GRIK4: variants seen among roughly 807,000 people sequenced by gnomAD.
The protein encoded by GRIK4 is glutamate receptor ionotropic, kainate 4.
A neutral mutation model predicts 104.9 loss-of-function variants in GRIK4; 40 were observed. That is an observed-to-expected ratio of 0.38 (90% CI 0.30 to 0.50). The LOEUF (loss-of-function observed/expected upper bound fraction) is 0.50. Among genes scored for constraint, GRIK4 ranks in the 20% least tolerant of loss-of-function variants. The pLI, the probability that GRIK4 is intolerant of heterozygous loss-of-function variation, is 0.93. For synonymous variants in GRIK4, 485 were observed against 524.9 expected (o/e 0.92, Z 1.04); for missense variants, 1,047 against 1,308.1 (o/e 0.80, Z 3.08).
chr11:120,615,151 G>A (rs1253211684), intron 1 of GRIK4, among the ~76,000 whole-genome samples: 1 of 152,196 alleles, frequency 6.6e-6, no homozygotes, highest in Non-Finnish European at 1.5e-5. Context: ...TGAAGCAGGT[G>A]TTGTTATTCT....
chr11:120,587,022 G>A (rs55750415), intron 1 of GRIK4, among the ~76,000 whole-genome samples: 1 of 152,232 alleles, frequency 6.6e-6, no homozygotes, highest in Non-Finnish European at 1.5e-5. Context: ...ATAACAGTAG[G>A]AGTTAGAGAG....
intron 1 of GRIK4, among the ~76,000 whole-genome samples, chr11:120,629,173 G>A (rs1949301049): frequency 6.6e-6 from 1 of 152,212 alleles, no homozygotes; most frequent in African/African-American, 2.4e-5. Context: ...AGGTGGGGAA[G>A]GTGGAGGGAA....
chr11:120,881,232 T>A (rs1954960456), intron 11 of GRIK4, among the ~76,000 whole-genome samples: 1 of 152,230 alleles, frequency 6.6e-6, no homozygotes, highest in South Asian at 2.1e-4. Flanking sequence ...CCACATTAGC[T>A]TGCTTGCTGG....
chr11:120,768,601 G>A (rs1951882299), intron 3 of GRIK4, among the ~76,000 whole-genome samples: 1 of 152,142 alleles, frequency 6.6e-6, no homozygotes, highest in South Asian at 2.1e-4. Context: ...AGTTACATGG[G>A]CATTCCTGCC....
intron 7 of GRIK4, among the ~76,000 whole-genome samples, chr11:120,835,542 CA>C (rs1953553514): frequency 6.6e-6 from 1 of 151,516 alleles, no homozygotes; most frequent in Non-Finnish European, 1.5e-5. Flanking sequence ...AAAAAACAAA[CA>C]AACAAAAAAA....
At chr11:120,519,571 A>G (rs530873539) in intron 1 of GRIK4, among the ~76,000 whole-genome samples, 2 of 152,292 alleles carry the variant, frequency 1.3e-5, no homozygotes, top group East Asian at 1.9e-4. Context: ...CCAGCTACCC[A>G]GTTTATGGTA....
At chr11:120,751,137 C>T (rs1232424102) in intron 3 of GRIK4, among the ~76,000 whole-genome samples, 1 of 151,904 alleles carries the variant, frequency 6.6e-6, no homozygotes, top group African/African-American at 2.4e-5. Flanking sequence ...GGCATGGCCC[C>T]CCAGGCTTGC....
At chr11:120,537,117 A>G (rs1411683801) in intron 1 of GRIK4, among the ~76,000 whole-genome samples, 3 of 152,232 alleles carry the variant, frequency 2.0e-5, no homozygotes, top group Admixed American at 2.0e-4. Flanking sequence ...AGGTGTCCTC[A>G]AAAGACAGAG....
intron 1 of GRIK4, among the ~76,000 whole-genome samples, chr11:120,599,569 C>T (rs1808746624): frequency 6.6e-6 from 1 of 152,228 alleles, no homozygotes; most frequent in African/African-American, 2.4e-5. Flanking sequence ...AGATGTCTTG[C>T]CAGCTCCATC....
intron 1 of GRIK4, among the ~76,000 whole-genome samples, chr11:120,634,187 G>A (rs1387489815): frequency 1.3e-5 from 2 of 152,160 alleles, no homozygotes; most frequent in Admixed American, 6.5e-5. Flanking sequence ...GTAAGCCGCC[G>A]AATAAATGGC....
chr11:120,535,586 G>A (rs1947966124), intron 1 of GRIK4, among the ~76,000 whole-genome samples: 1 of 152,054 alleles, frequency 6.6e-6, no homozygotes, highest in African/African-American at 2.4e-5. Flanking sequence ...TGTAGGGCAA[G>A]GTCACTAAAG....
intron 3 of GRIK4, among the ~76,000 whole-genome samples, chr11:120,694,777 G>A (rs1013803588): frequency 3.9e-5 from 6 of 152,112 alleles, no homozygotes; most frequent in Admixed American, 2.0e-4. Context: ...GCAAGTGCCC[G>A]GGTTCATTGT....
At chr11:120,926,601 A>G (rs1943350902) in intron 13 of GRIK4, among the ~76,000 whole-genome samples, 1 of 152,256 alleles carries the variant, frequency 6.6e-6, no homozygotes, top group East Asian at 1.9e-4. Context: ...ACCCTTGGTC[A>G]AAACATTCTA....
At chr11:120,904,766 C>A (rs1942829018) in intron 12 of GRIK4, among the ~76,000 whole-genome samples, 2 of 152,280 alleles carry the variant, frequency 1.3e-5, no homozygotes, top group South Asian at 4.2e-4. Flanking sequence ...TTCCATCTCT[C>A]AGTGTTCTGC....
At chr11:120,597,656 C>G (rs1353045858) in intron 1 of GRIK4, among the ~76,000 whole-genome samples, 3 of 152,198 alleles carry the variant, frequency 2.0e-5, no homozygotes, top group Non-Finnish European at 4.4e-5. Context: ...CGTGGGGGTC[C>G]TGAGGTGGTG....
At chr11:120,618,887 C>A (rs1194480213) in intron 1 of GRIK4, among the ~76,000 whole-genome samples, 1 of 152,196 alleles carries the variant, frequency 6.6e-6, no homozygotes, top group Non-Finnish European at 1.5e-5. Flanking sequence ...TTGGAGCCCT[C>A]ATGGAGAACC....
chr11:120,559,944 T>A (rs150048010), intron 1 of GRIK4, among the ~76,000 whole-genome samples: 113 of 152,226 alleles, frequency 7.4e-4, no homozygotes, highest in African/African-American at 2.6e-3. Flanking sequence ...TGTTTTGAGG[T>A]CTTCTGGTTT....
chr11:120,819,071 T>C lies in GRIK4; in HGVS notation c.346-684T>C, dbSNP rs1953035655. Among the ~76,000 whole-genome samples the C allele has an allele frequency of 6.6e-6, 1 of 152,224 alleles. No homozygotes were observed. The highest frequency in any genetic ancestry group is 2.1e-4 in the South Asian group (1 of 4,834). On this transcript the variant is annotated intron_variant, in intron 5 of 20. Transcript: ENST00000527524. The surrounding 1 kb of genome is among the most constrained non-coding windows in gnomAD (Gnocchi z 4.3). ...GGGTCCTGGAAATGTCAGTAATAGA[T>C]GCAGAGGGAAGCTGACACTGTCCTA...
At position 120,545,561 on chromosome 11, in the gene GRIK4, A is replaced by C. The variant is rs908123653; in HGVS notation, c.-159+33674A>C. ...ATTCTTTTGTGTATGAGGAAAACAG[A>C]CTCAGGGACGTTAAGTAACTTGGCA... On this transcript the variant is annotated intron_variant, in intron 1 of 20. Transcript: ENST00000527524. 2.0e-5 allele frequency among the ~76,000 whole-genome samples: 3 copies of C among 152,186 alleles called. No individual in the cohort carries two copies. In the East Asian group the frequency reaches 5.8e-4, roughly 29 times the overall value.
Sources: allele counts gnomAD v4.1 joint callset (sites outside exome capture counted in the v4.1 genomes callset), GRCh38; gene constraint gnomAD v4.1.1; non-coding constraint Gnocchi (gnomAD v3.1); transcripts MANE v1.5; gene names NCBI Gene and HGNC (gene_info 2026-07-23, HGNC 2026-07-21).